The following ERBB4 variants were observed in gnomAD, a reference collection of about 807,000 sequenced individuals.
ERBB4 encodes erb-b2 receptor tyrosine kinase 4.
In ERBB4, 42 loss-of-function variants were observed where a neutral mutation model predicts 158.0. The ratio of observed to expected loss-of-function variants is 0.27; its 90% CI spans 0.21 to 0.34. The LOEUF (loss-of-function observed/expected upper bound fraction) is 0.34, where lower values mean the gene tolerates loss of function less well. Among genes scored for constraint, ERBB4 ranks in the 10% least tolerant of loss-of-function variants. The pLI is 1.00. For synonymous variants in ERBB4, 583 were observed against 558.7 expected (o/e 1.04, Z -0.61); for missense variants, 1,333 against 1,624.1 (o/e 0.82, Z 3.08).
At chr2:211,611,046 C>A (rs10177211) in intron 19 of ERBB4, among the ~76,000 whole-genome samples, 117,899 of 151,906 alleles carry the variant, frequency 0.78, 47,985 homozygotes, top group Non-Finnish European at 0.9. Context: ...ATTTTAGGAT[C>A]ACTACTAAAT....
intron 1 of ERBB4, among the ~76,000 whole-genome samples, chr2:212,478,254 T>C (rs1050753596): frequency 1.3e-5 from 2 of 152,254 alleles, no homozygotes; most frequent in East Asian, 1.9e-4. Flanking sequence ...TTACAGAGCT[T>C]GTACCAGGCA....
chr2:212,003,544 C>G (rs1346091505), intron 2 of ERBB4, among the ~76,000 whole-genome samples: 1 of 152,104 alleles, frequency 6.6e-6, no homozygotes. Flanking sequence ...CACCACCTCT[C>G]TACACCCAAG....
At chr2:211,524,606 C>T (rs1232340426) in intron 20 of ERBB4, among the ~76,000 whole-genome samples, 1 of 151,888 alleles carries the variant, frequency 6.6e-6, no homozygotes, top group African/African-American at 2.4e-5. Context: ...ACACCCTCCG[C>T]AGCCGCTGGC....
At chr2:212,103,076 G>A (rs1251080740) in intron 2 of ERBB4, among the ~76,000 whole-genome samples, 1 of 152,002 alleles carries the variant, frequency 6.6e-6, no homozygotes, top group East Asian at 1.9e-4. Flanking sequence ...TTATTTCAAT[G>A]CATGACAGAT....
intron 12 of ERBB4, among the ~76,000 whole-genome samples, chr2:211,681,990 T>C (rs142888523): frequency 0.028 from 4,224 of 151,856 alleles, 172 homozygotes; most frequent in African/African-American, 0.084. Context: ...TTTGCACATA[T>C]GGTACTGTAT....
intron 1 of ERBB4, among the ~76,000 whole-genome samples, chr2:212,367,518 A>G (rs2089934857): frequency 6.6e-6 from 1 of 152,126 alleles, no homozygotes. Flanking sequence ...CCTTCTAGAC[A>G]TTGGCTTAGT....
intron 19 of ERBB4, among the ~76,000 whole-genome samples, chr2:211,597,990 C>A (rs2125807099): frequency 6.6e-6 from 1 of 152,106 alleles, no homozygotes; most frequent in Non-Finnish European, 1.5e-5. Flanking sequence ...GTTAAAGTGG[C>A]AGTTTTGTAT....
At chr2:211,898,626 A>G (rs2079157052) in intron 3 of ERBB4, among the ~76,000 whole-genome samples, 1 of 152,192 alleles carries the variant, frequency 6.6e-6, no homozygotes, top group Non-Finnish European at 1.5e-5. Flanking sequence ...AATCCATTAA[A>G]TGTTTTTAAA....
At chr2:212,033,180 G>A (rs2076940652) in intron 2 of ERBB4, among the ~76,000 whole-genome samples, 1 of 151,928 alleles carries the variant, frequency 6.6e-6, no homozygotes, top group Non-Finnish European at 1.5e-5. Flanking sequence ...GTTAGAGACT[G>A]ATTTATATTC....
intron 3 of ERBB4, among the ~76,000 whole-genome samples, chr2:211,822,228 T>C (rs1421630873): frequency 6.6e-6 from 1 of 151,916 alleles, no homozygotes; most frequent in Non-Finnish European, 1.5e-5. Flanking sequence ...ATTCTACTGT[T>C]CTACAGCACT....
chr2:211,613,577 C>A (rs956245728), intron 19 of ERBB4, among the ~76,000 whole-genome samples: 1 of 151,918 alleles, frequency 6.6e-6, no homozygotes, highest in Non-Finnish European at 1.5e-5. Flanking sequence ...CGAAAAAAAT[C>A]TAATAATCTG....
At chr2:212,164,871 G>A (rs1289921641) in intron 1 of ERBB4, among the ~76,000 whole-genome samples, 3 of 151,942 alleles carry the variant, frequency 2.0e-5, no homozygotes, top group African/African-American at 7.3e-5. Flanking sequence ...TTTTGCTTGT[G>A]CTTGAGTGTG....
chr2:211,386,374 A>C (rs1294175915), intron 27 of ERBB4, among the ~76,000 whole-genome samples: 2 of 152,190 alleles, frequency 1.3e-5, no homozygotes, highest in African/African-American at 4.8e-5. Flanking sequence ...TCCTATAATA[A>C]ACTAGGTTGT....
At chr2:211,942,004 A>C (rs1271274503) in intron 3 of ERBB4, among the ~76,000 whole-genome samples, 1 of 152,156 alleles carries the variant, frequency 6.6e-6, no homozygotes, top group Non-Finnish European at 1.5e-5. Flanking sequence ...TCTGAGTCTC[A>C]GAGAGACACC....
intron 2 of ERBB4, among the ~76,000 whole-genome samples, chr2:212,072,397 T>C (rs2078148602): frequency 1.3e-5 from 2 of 151,962 alleles, no homozygotes. Flanking sequence ...TATTCGAATG[T>C]CTAAATTCAC....
chr2:211,547,046 A>G (rs2066958907), intron 20 of ERBB4, among the ~76,000 whole-genome samples: 2 of 152,070 alleles, frequency 1.3e-5, no homozygotes, highest in African/African-American at 4.8e-5. Context: ...AGAACTACAC[A>G]CGCACATACA....
chr2:212,299,165 A>G (rs2106202430), intron 1 of ERBB4, among the ~76,000 whole-genome samples: 1 of 151,762 alleles, frequency 6.6e-6, no homozygotes, highest in Admixed American at 6.6e-5. Context: ...ACACACAGAC[A>G]ATAATACAAG....
chr2:212,121,927 T>C (rs2079762452), intron 2 of ERBB4, among the ~76,000 whole-genome samples: 1 of 152,102 alleles, frequency 6.6e-6, no homozygotes. Flanking sequence ...TGATGAAACT[T>C]TTCCTGAATC....
intron 2 of ERBB4, among the ~76,000 whole-genome samples, chr2:212,103,198 T>C (rs1257688020): frequency 1.3e-5 from 2 of 152,152 alleles, no homozygotes; most frequent in African/African-American, 4.8e-5. Context: ...TTACACATTC[T>C]GCTACTTTTG....
Sources: allele counts gnomAD v4.1 joint callset (sites outside exome capture counted in the v4.1 genomes callset), GRCh38; gene constraint gnomAD v4.1.1; transcripts MANE v1.5; gene names NCBI Gene and HGNC (gene_info 2026-07-23, HGNC 2026-07-21).